PRDM5: variants seen among roughly 807,000 people sequenced by gnomAD.
The protein encoded by PRDM5 is PR/SET domain 5.
A neutral mutation model predicts 81.2 loss-of-function variants in PRDM5; 56 were observed. The ratio of observed to expected loss-of-function variants is 0.69; its 90% CI spans 0.56 to 0.86. PRDM5 has a LOEUF of 0.86. Ranked by LOEUF, PRDM5 falls within the 40% of genes least tolerant of loss-of-function variation. The pLI is 0.00. For missense variants in PRDM5, 697 were observed against 770.1 expected (o/e 0.91, Z 1.12); for synonymous variants, 267 against 256.4 (o/e 1.04, Z -0.39).
At chr4:120,900,939 C>T (rs995958330) in intron 2 of PRDM5, among the ~76,000 whole-genome samples, 2 of 152,042 alleles carry the variant, frequency 1.3e-5, no homozygotes, top group African/African-American at 4.8e-5. Flanking sequence ...TTCTTGTCAC[C>T]CATTCCTTTT....
intron 2 of PRDM5, among the ~76,000 whole-genome samples, chr4:120,861,402 T>G (rs1219586476): frequency 1.3e-5 from 2 of 152,194 alleles, no homozygotes; most frequent in Non-Finnish European, 1.5e-5. Flanking sequence ...AGCAAAATTC[T>G]AATCATAAAA....
At chr4:120,702,377 G>A (rs1735510308) in intron 15 of PRDM5, among the ~76,000 whole-genome samples, 1 of 152,118 alleles carries the variant, frequency 6.6e-6, no homozygotes, top group East Asian at 1.9e-4. Context: ...TCTTTACCCA[G>A]CTTACTCCTA....
chr4:120,734,151 A>C (rs1034171374), intron 14 of PRDM5, among the ~76,000 whole-genome samples: 1 of 152,116 alleles, frequency 6.6e-6, no homozygotes, highest in Non-Finnish European at 1.5e-5. Flanking sequence ...GACGGCAGGC[A>C]GCACAGCCAG....
intron 10 of PRDM5, among the ~76,000 whole-genome samples, chr4:120,788,999 G>T (rs1750169209): frequency 6.6e-6 from 1 of 152,126 alleles, no homozygotes; most frequent in Non-Finnish European, 1.5e-5. Flanking sequence ...TTTTTTAAAG[G>T]TACTTGTCCT....
intron 3 of PRDM5, among the ~76,000 whole-genome samples, chr4:120,824,009 T>C (rs1755631804): frequency 6.6e-6 from 1 of 152,206 alleles, no homozygotes; most frequent in Admixed American, 6.5e-5. Context: ...CACATGTTTG[T>C]TTCACTTTAC....
intron 13 of PRDM5, 109 bp from the exon 14 acceptor site, chr4:120,754,747 T>C (rs1744482723): frequency 5.1e-6 from 4 of 791,648 alleles, no homozygotes; most frequent in Middle Eastern, 2.2e-4. Flanking sequence ...TGCCCTGTGC[T>C]ACTTCAAGAA....
At chr4:120,734,403 C>T (rs1318082386) in intron 14 of PRDM5, among the ~76,000 whole-genome samples, 3 of 145,756 alleles carry the variant, frequency 2.1e-5, no homozygotes, top group Non-Finnish European at 4.5e-5. Context: ...CACACACACA[C>T]ACACACACAC....
intron 14 of PRDM5, among the ~76,000 whole-genome samples, chr4:120,751,289 G>A (rs1743967793): frequency 1.3e-5 from 2 of 151,988 alleles, no homozygotes; most frequent in Admixed American, 6.6e-5. Context: ...CCTTCAATAG[G>A]CAGACTGAGC....
chr4:120,692,903 C>G lies in PRDM5; in HGVS notation c.*2208G>C, dbSNP rs758439816. ...TAAGTAATTTAAAAGTTTTAGCAAG[C>G]AAATGCTAATATATCTGAAACTACC... is the stretch of plus-strand genomic sequence containing the variant. On this transcript the variant is annotated 3_prime_UTR_variant, in exon 16 of 16. Transcript: ENST00000264808. The G allele has an allele frequency of 5.9e-5, 9 of 152,032 alleles. No individual in the cohort carries two copies. The highest frequency in any genetic ancestry group is 8.8e-5 in the Non-Finnish European group (6 of 68,004). The allele number at this position is 152,032 out of a possible 1,614,324, so 9.4% of individuals were successfully genotyped here. A position where few individuals can be genotyped will look rare whatever the true frequency, so the allele number is the denominator to read the frequency against.
At chr4:120,803,533 G>A (rs1752439942) in intron 8 of PRDM5, among the ~76,000 whole-genome samples, 2 of 152,206 alleles carry the variant, frequency 1.3e-5, no homozygotes, top group African/African-American at 4.8e-5. Flanking sequence ...CAAGCCAGAA[G>A]AGAGTGAGGG....
Position 120,718,254 on chromosome 4 carries a change from G to C in PRDM5, c.1624-7841C>G, listed in dbSNP as rs993566680. On this transcript the variant is annotated intron_variant, in intron 14 of 15. Coordinates refer to ENST00000264808, the MANE Select transcript of PRDM5 (RefSeq NM_018699.4). ...ACCTGGATTTCATATAAAATTTAGA[G>C]AAGCTTATCAAAGAGGAATCAGATG... Among the ~76,000 whole-genome samples, 6 of 152,126 alleles carry C rather than the reference G, an allele frequency of 3.9e-5. No individual in the cohort carries two copies. In the South Asian group the frequency reaches 6.2e-4, roughly 16 times the overall value.
intron 15 of PRDM5, among the ~76,000 whole-genome samples, chr4:120,702,514 T>A (rs927268431): frequency 6.6e-6 from 1 of 152,150 alleles, no homozygotes; most frequent in Admixed American, 6.5e-5. Flanking sequence ...ATTTGCGTTA[T>A]TTTTTTATGT....
chr4:120,744,652 C>T (rs1384408580), intron 14 of PRDM5, among the ~76,000 whole-genome samples: 1 of 151,946 alleles, frequency 6.6e-6, no homozygotes, highest in Non-Finnish European at 1.5e-5. Flanking sequence ...ACTACAAACA[C>T]CTCTACGCAA....
In PRDM5 at chr4:120,781,284, G is replaced by A; in HGVS notation, c.1302C>T (p.Cys434=). The part of the protein sequence containing the change: ...LIHNSERTFK[C]HHCDATFKRK... The stretch of plus-strand genomic sequence containing the variant: ...TCTTAAAGGTAGCATCGCAGTGATG[G>A]CACTTGAAAGTCCTCTCACCTTAGA... The change falls in exon 12 of 16, where the codon TGC becomes TGT. Residue 434 remains cysteine, a synonymous_variant. Transcript: ENST00000264808. The A allele has an allele frequency of 6.2e-7, 1 of 1,612,962 alleles. No individual in the cohort carries two copies. The highest frequency in any genetic ancestry group is 8.5e-7 in the Non-Finnish European group (1 of 1,179,288).
chr4:120,840,903 ACAGGAGGCAGAGCT>A, intron 3 of PRDM5, among the ~76,000 whole-genome samples: 1 of 152,290 alleles, frequency 6.6e-6, no homozygotes, highest in African/African-American at 2.4e-5. Flanking sequence ...TGCTGCTCGG[ACAGGAGGCAGAGCT>A]CAGGCAGTAA....
At position 120,819,848 on chromosome 4, in the gene PRDM5, C is replaced by G. The variant is rs543938636; in HGVS notation, c.476-1321G>C. On this transcript the variant is annotated intron_variant, in intron 4 of 15. Coordinates refer to ENST00000264808, the MANE Select transcript of PRDM5 (RefSeq NM_018699.4). ...ATAGCATAATGCATATAAGCCTGTC[C>G]TTATCTTCCCCTTAAATAATTCAAC... Among the ~76,000 whole-genome samples, 11 of 152,284 alleles carry G rather than the reference C, an allele frequency of 7.2e-5. No homozygotes were observed. In the South Asian group the frequency reaches 2.3e-3, roughly 32 times the overall value.
chr4:120,893,490 C>T (rs532219852), intron 2 of PRDM5, among the ~76,000 whole-genome samples: 7 of 152,336 alleles, frequency 4.6e-5, no homozygotes, highest in Admixed American at 3.9e-4. Context: ...ATGCAGTTGA[C>T]TTGCACTCTA....
At chr4:120,892,319 GTCTGTTGGCCCTA>G (rs1291105098) in intron 2 of PRDM5, among the ~76,000 whole-genome samples, 1 of 152,132 alleles carries the variant, frequency 6.6e-6, no homozygotes, top group Non-Finnish European at 1.5e-5. Context: ...TTCCATAGAT[GTCTGTTGGCCCTA>G]TCTGATCAAG....
intron 15 of PRDM5, 115 bp from the exon 16 acceptor site, chr4:120,695,390 T>C: frequency 8.4e-7 from 1 of 1,192,300 alleles, no homozygotes; most frequent in East Asian, 2.5e-5. Flanking sequence ...ATTTAATCGG[T>C]GTCCTTTGTA....
Sources: allele counts gnomAD v4.1 joint callset (sites outside exome capture counted in the v4.1 genomes callset), GRCh38; gene constraint gnomAD v4.1.1; transcripts MANE v1.5; gene names NCBI Gene and HGNC (gene_info 2026-07-23, HGNC 2026-07-21).